Variants in POLR3E observed in about 807,000 individuals in gnomAD.
POLR3E encodes DNA-directed RNA polymerase III subunit RPC5.
Under a neutral mutation model 96.6 loss-of-function variants are expected in POLR3E, and 41 were observed. The observed-to-expected ratio is 0.42, with a 90% CI of 0.33 to 0.55. The LOEUF (loss-of-function observed/expected upper bound fraction) is 0.55, where lower values mean the gene tolerates loss of function less well. Ranked by LOEUF, POLR3E falls within the 20% of genes least tolerant of loss-of-function variation. POLR3E has a pLI of 0.06. For missense variants in POLR3E, 849 were observed against 952.1 expected (o/e 0.89, Z 1.43); for synonymous variants, 396 against 383.6 (o/e 1.03, Z -0.38).
chr16:22,309,606 C>A, intron 6 of POLR3E, 96 bp downstream of exon 6: 1 of 885,468 alleles, frequency 1.1e-6, no homozygotes, highest in Non-Finnish European at 1.9e-6. Context: ...CTCCCACCTG[C>A]CCTGAAAGCT....
chr16:22,311,202 C>T (rs1228169902), intron 6 of POLR3E, among the ~76,000 whole-genome samples: 1 of 150,304 alleles, frequency 6.7e-6, no homozygotes, highest in Non-Finnish European at 1.5e-5. Flanking sequence ...CTCCTGACCT[C>T]AGGTGATCCA....
intron 8 of POLR3E, chr16:22,314,827 C>T: frequency 3.0e-6 from 1 of 336,584 alleles, no homozygotes; most frequent in Non-Finnish European, 5.6e-6. Flanking sequence ...AAGGACTCTG[C>T]TGGCTCTGGC....
At chr16:22,317,083 T>C (rs1482768440) in intron 11 of POLR3E, 32 bp from the exon 12 acceptor site, 21 of 1,613,674 alleles carry the variant, frequency 1.3e-5, no homozygotes, top group Non-Finnish European at 1.8e-5. Context: ...CCGGGCTGGC[T>C]GCCTCTAACC....
intron 1 of POLR3E, among the ~76,000 whole-genome samples, chr16:22,300,743 G>A (rs768289367): frequency 1.3e-5 from 2 of 152,192 alleles, no homozygotes; most frequent in African/African-American, 2.4e-5. Context: ...GGACTGTTAC[G>A]ATAGCTGTTT....
intron 16 of POLR3E, 72 bp from the exon 17 acceptor site, chr16:22,325,133 G>A (rs1232067643): frequency 1.9e-5 from 22 of 1,165,890 alleles, no homozygotes; most frequent in African/African-American, 3.0e-5. Flanking sequence ...GGCCTAAGGG[G>A]TGGTTGTTTC....
At chr16:22,303,643 T>C in intron 2 of POLR3E, among the ~76,000 whole-genome samples, 1 of 140,932 alleles carries the variant, frequency 7.1e-6, no homozygotes, top group African/African-American at 3.0e-5. Flanking sequence ...ATTTCCCTTT[T>C]TTTTTTTTTT....
At position 22,325,205 on chromosome 16, in the gene POLR3E, A is replaced by G. The variant is rs369611209; in HGVS notation, c.1287A>G (p.Lys429=). The change falls in exon 17 of 21, where the codon AAA becomes AAG. Residue 429 remains lysine (K), a splice_region_variant and synonymous_variant. Transcript: ENST00000299853. ...QHMLWTGIQA[K]LEKVYNLVKE... The stretch of plus-strand genomic sequence containing the variant: ...TTAATGGGGTTACTCTTCTTTTCAG[A>G]CTGGAAAAAGTCTATAATCTTGTAA... 2 of 1,611,706 alleles carry G rather than the reference A, an allele frequency of 1.2e-6. No individual in the cohort carries two copies. The highest frequency in any genetic ancestry group is 1.7e-6 in the Non-Finnish European group (2 of 1,177,998).
At position 22,316,982 on chromosome 16, in the gene POLR3E, C is replaced by T; in HGVS notation, c.729-13C>T. Reference sequence around the variant, plus strand: ...ATCAGCCCTGAGCCTCTGCCCCTGCCATGTCCCTGCAGTGAGTACCTGATG... The same window carrying T: ...ATCAGCCCTGAGCCTCTGCCCCTGCTATGTCCCTGCAGTGAGTACCTGATG... On this transcript the variant is annotated splice_polypyrimidine_tract_variant and intron_variant, in intron 10 of 20. Transcript: ENST00000299853. 1 of 1,613,910 alleles carries T rather than the reference C, an allele frequency of 6.2e-7. No individual in the cohort carries two copies. Among genetic ancestry groups the T allele is most frequent in the Non-Finnish European group, 8.5e-7 (1 of 1,179,750 alleles).
intron 9 of POLR3E, among the ~76,000 whole-genome samples, chr16:22,315,435 T>C (rs60208755): frequency 9.2e-5 from 14 of 152,104 alleles, no homozygotes; most frequent in African/African-American, 3.1e-4. Flanking sequence ...CTGGGTGGGG[T>C]TTGGCCCCTG....
intron 12 of POLR3E, among the ~76,000 whole-genome samples, chr16:22,317,434 G>C (rs1404926517): frequency 6.6e-6 from 1 of 152,234 alleles, no homozygotes. Context: ...TAGTGTGTCT[G>C]GCCCCCACAG....
At chr16:22,305,086 C>A in intron 2 of POLR3E, 70 bp from the exon 3 acceptor site, 1 of 1,214,028 alleles carries the variant, frequency 8.2e-7, no homozygotes, top group Non-Finnish European at 1.2e-6. Flanking sequence ...AAGCTGGAAG[C>A]GCTGGCATAG....
At position 22,314,121 on chromosome 16, in the gene POLR3E, A is replaced by G. The variant is rs139739087; in HGVS notation, c.515A>G (p.Gln172Arg). 1 of 1,613,828 alleles carries G rather than the reference A, an allele frequency of 6.2e-7. No individual in the cohort carries two copies. The highest frequency in any genetic ancestry group is 1.7e-5 in the Admixed American group (1 of 60,016). ...GATGAGGCGGAAGACGATGTTAAGC[A>G]GATCACGGTGAGCCCTGGCCCCTGG... ...SQDEAEDDVKQITVRFSRPES... is the reference protein window; with the variant it reads ...SQDEAEDDVKRITVRFSRPES... Residue 172 changes from glutamine to arginine, a missense_variant, in exon 8 of 21, where the codon CAG (glutamine) becomes CGG (arginine). Gln to Arg is a conservative substitution (Grantham distance 43). Coordinates refer to ENST00000299853, the MANE Select transcript of POLR3E (RefSeq NM_018119.4).
rs769537721 is a variant in POLR3E at position 22,325,168 on chromosome 16, C to A, written c.1287-37C>A. On this transcript the variant is annotated intron_variant, in intron 16 of 20. Coordinates refer to ENST00000299853, the MANE Select transcript of POLR3E (RefSeq NM_018119.4). ...CTCTTGTGAAGCAGATGGTAGGGGA[C>A]GTGGTTTAAAGTTAATGGGGTTACT... 7.9e-5 allele frequency: 117 copies of A among 1,490,266 alleles called. 3 individuals are homozygous for A. In the South Asian group the frequency reaches 1.3e-3, roughly 16 times the overall value. 92.3% of individuals were successfully genotyped at this position (1,490,266 alleles called of 1,614,324 possible). A position where few individuals can be genotyped will look rare whatever the true frequency, so the allele number is the denominator to read the frequency against.
At chr16:22,307,011 CCT>C (rs1364519846) in intron 3 of POLR3E, among the ~76,000 whole-genome samples, 1 of 152,194 alleles carries the variant, frequency 6.6e-6, no homozygotes, top group African/African-American at 2.4e-5. Context: ...GCCTGCTCAC[CCT>C]GTTTCCTTGA....
At chr16:22,314,693 G>A (rs1269018172) in intron 8 of POLR3E, among the ~76,000 whole-genome samples, 3 of 152,176 alleles carry the variant, frequency 2.0e-5, no homozygotes, top group East Asian at 1.9e-4. Context: ...CGGGGAACAC[G>A]GGCGTAATGG....
intron 6 of POLR3E, among the ~76,000 whole-genome samples, chr16:22,310,660 G>A (rs1379807824): frequency 6.6e-6 from 1 of 151,378 alleles, no homozygotes; most frequent in Non-Finnish European, 1.5e-5. Flanking sequence ...ATATAGCCGG[G>A]TGTGTTGCCT....
In POLR3E at chr16:22,313,542, T is replaced by C; in HGVS notation, c.365-78T>C. 1 of 884,264 alleles carries C rather than the reference T, an allele frequency of 1.1e-6. No individual in the cohort carries two copies. The highest frequency in any genetic ancestry group is 1.9e-6 in the Non-Finnish European group (1 of 529,058). The allele number at this position is 884,264 out of a possible 1,614,324, so 54.8% of individuals were successfully genotyped here. ...GCGGTTTGATGGTGGGCCTAGGCCTTCACGGGACTTGGTGACTCTCTTGAG... is the reference window on the plus strand; with the variant it reads ...GCGGTTTGATGGTGGGCCTAGGCCTCCACGGGACTTGGTGACTCTCTTGAG... On this transcript the variant is annotated intron_variant, in intron 6 of 20. Coordinates refer to ENST00000299853, the MANE Select transcript of POLR3E (RefSeq NM_018119.4). The surrounding 1 kb of genome is among the most constrained non-coding windows in gnomAD (Gnocchi z 4.1).
Position 22,309,055 on chromosome 16 carries a change from C to T in POLR3E, c.281+15C>T, listed in dbSNP as rs1356471853. The stretch of plus-strand genomic sequence containing the variant: ...ACGTATTCCTCGTGAGTTTCCGGCC[C>T]CAAGCCTGTCCGGTTTCCCTGCGTT... On this transcript the variant is annotated intron_variant, in intron 5 of 20. Transcript: ENST00000299853. 1 of 1,571,042 alleles carries T rather than the reference C, an allele frequency of 6.4e-7. No homozygotes were observed. The highest frequency in any genetic ancestry group is 8.8e-7 in the Non-Finnish European group (1 of 1,142,734).
chr16:22,301,696 C>T (rs187575289), intron 1 of POLR3E, among the ~76,000 whole-genome samples: 13 of 152,256 alleles, frequency 8.5e-5, no homozygotes, highest in African/African-American at 1.9e-4. Flanking sequence ...GAAACCAAGG[C>T]GGGCAGATCA....
Sources: allele counts gnomAD v4.1 joint callset (sites outside exome capture counted in the v4.1 genomes callset), GRCh38; gene constraint gnomAD v4.1.1; non-coding constraint Gnocchi (gnomAD v3.1); transcripts MANE v1.5; gene names NCBI Gene and HGNC (gene_info 2026-07-23, HGNC 2026-07-21).